Variants in AGBL3 observed in about 807,000 individuals in gnomAD.
The protein encoded by AGBL3 is cytosolic carboxypeptidase 3.
In AGBL3, 68 loss-of-function variants were observed where a neutral mutation model predicts 94.5. The ratio of observed to expected loss-of-function variants is 0.72; its 90% confidence interval spans 0.59 to 0.88. AGBL3 has a LOEUF of 0.88. AGBL3 is among the 40% of genes least tolerant of loss of function. The probability of loss-of-function intolerance (pLI) is 0.00; values close to 1 mark genes in which losing one functional copy is unlikely to be tolerated. For missense variants in AGBL3, 934 were observed against 1,103.8 expected, an observed-to-expected ratio of 0.85 and a Z score of 2.18; for synonymous variants, 354 against 370.7, an observed-to-expected ratio of 0.95 and a Z score of 0.52.
chr7:135,055,401 C>T (rs1323266595), intron 11 of AGBL3, among the ~76,000 whole-genome samples: 1 of 152,162 alleles, frequency 6.6e-6, no homozygotes, highest in Non-Finnish European at 1.5e-5. Flanking sequence ...TGTATGTTAG[C>T]TGTAAGGTTT....
At chr7:135,127,448 G>A (rs1303758924) in intron 16 of AGBL3, among the ~76,000 whole-genome samples, 1 of 152,156 alleles carries the variant, frequency 6.6e-6, no homozygotes, top group Non-Finnish European at 1.5e-5. Flanking sequence ...AGCTACTCGG[G>A]AGGCTGAGGC....
chr7:135,015,938 G>A (rs1411520611), intron 4 of AGBL3, among the ~76,000 whole-genome samples: 2 of 151,338 alleles, frequency 1.3e-5, no homozygotes, highest in Non-Finnish European at 2.9e-5. Context: ...GGCTGAGGCA[G>A]GAGAATGGCG....
At chr7:135,129,800 G>A (rs1828471672) in intron 16 of AGBL3, 1 of 543,128 alleles carries the variant, frequency 1.8e-6, no homozygotes, top group Non-Finnish European at 3.4e-6. Context: ...CAGTCTTCCT[G>A]TGTAGAAGAT....
chr7:135,012,260 A>C (rs1330524724), intron 4 of AGBL3: 1 of 152,194 alleles, frequency 6.6e-6, no homozygotes, highest in Non-Finnish European at 1.5e-5. Context: ...ACATGCATAT[A>C]TATGAATGCT....
At chr7:135,044,686 T>C (rs1224439911) in intron 9 of AGBL3, among the ~76,000 whole-genome samples, 5 of 152,136 alleles carry the variant, frequency 3.3e-5, no homozygotes, top group Admixed American at 2.0e-4. Flanking sequence ...AATCCATATA[T>C]GTACTTTTCA....
intron 12 of AGBL3, among the ~76,000 whole-genome samples, chr7:135,071,931 GA>G (rs1306546849): frequency 6.6e-6 from 1 of 152,120 alleles, no homozygotes; most frequent in African/African-American, 2.4e-5. Flanking sequence ...TTAAACTAAA[GA>G]GCTTCTGCAC....
At chr7:135,103,845 G>C (rs1824228875) in intron 15 of AGBL3, among the ~76,000 whole-genome samples, 1 of 151,834 alleles carries the variant, frequency 6.6e-6, no homozygotes, top group African/African-American at 2.4e-5. Context: ...TCCATTCCTT[G>C]TGTTGTAATT....
chr7:135,098,078 G>A (rs980484044), intron 15 of AGBL3, among the ~76,000 whole-genome samples: 4 of 152,088 alleles, frequency 2.6e-5, no homozygotes, highest in Non-Finnish European at 5.9e-5. Flanking sequence ...GATGCAAAGG[G>A]CCTAAATGAC....
chr7:135,010,277 C>T, intron 4 of AGBL3: 1 of 259,134 alleles, frequency 3.9e-6, no homozygotes, highest in African/African-American at 2.4e-5. Flanking sequence ...CCGCCTGCCT[C>T]AGCTTCCCAA....
chr7:135,050,870 T>G (rs1817814350), intron 11 of AGBL3, among the ~76,000 whole-genome samples: 1 of 152,012 alleles, frequency 6.6e-6, no homozygotes, highest in East Asian at 1.9e-4. Context: ...ATTCAGCCAT[T>G]CTGTGTCCTT....
intron 15 of AGBL3, among the ~76,000 whole-genome samples, chr7:135,110,332 G>A (rs1825442868): frequency 6.6e-6 from 1 of 152,194 alleles, no homozygotes; most frequent in Non-Finnish European, 1.5e-5. Context: ...TATGTACAGA[G>A]GTCTAACTTC....
chr7:135,114,195 T>C (rs991382988), intron 15 of AGBL3, among the ~76,000 whole-genome samples: 1 of 152,240 alleles, frequency 6.6e-6, no homozygotes, highest in African/African-American at 2.4e-5. Context: ...CTGCTTTCAA[T>C]GCTTTTGGGC....
At chr7:135,084,028 C>T (rs529750673) in intron 15 of AGBL3, among the ~76,000 whole-genome samples, 1 of 152,228 alleles carries the variant, frequency 6.6e-6, no homozygotes, top group East Asian at 1.9e-4. Context: ...CCCATCCAAC[C>T]TTTTTCATCT....
Position 135,083,465 on chromosome 7 carries a change from T to TA in AGBL3, c.2110+1683dup, listed in dbSNP as rs565753001. 3.8e-4 allele frequency among the ~76,000 whole-genome samples: 58 copies of TA among 152,122 alleles called. 1 individual carries two copies. The South Asian group carries it at 0.012, about 31-fold the overall frequency. ...AATTTTAAAATAATTTCAAGAATAG[T>TA]AAAAAAAACTTTCTCTCTCTCTCTA... On this transcript the variant is annotated intron_variant, in intron 15 of 16. Coordinates refer to ENST00000436302, the MANE Select transcript of AGBL3 (RefSeq NM_178563.4).
In AGBL3 at chr7:135,076,313, G is replaced by A. The variant is rs1585017612; in HGVS notation, c.1909-84G>A. 2.8e-6 allele frequency: 3 copies of A among 1,055,432 alleles called. No homozygotes were observed. The East Asian group carries it at 8.0e-5, about 28-fold the overall frequency. The allele number at this position is 1,055,432 out of a possible 1,614,324, so 65.4% of individuals were successfully genotyped here. A position where few individuals can be genotyped will look rare whatever the true frequency, so the allele number is the denominator to read the frequency against. On this transcript the variant is annotated intron_variant, in intron 12 of 16. Transcript: ENST00000436302. ...GTACTTCTCATCTTCTTAGAAGTGG[G>A]AATCTCGAAACAATTTCATGTCTGC...
At chr7:135,045,216 A>G (rs573693265) in intron 9 of AGBL3, among the ~76,000 whole-genome samples, 1 of 152,214 alleles carries the variant, frequency 6.6e-6, no homozygotes, top group East Asian at 1.9e-4. Context: ...TGGCAACCAA[A>G]TATTCTATAA....
At chr7:135,080,316 A>AT in intron 14 of AGBL3, 56 bp downstream of exon 14, 1 of 1,455,300 alleles carries the variant, frequency 6.9e-7, no homozygotes, top group Admixed American at 2.0e-5. Context: ...TCAACTAAGA[A>AT]TTTTTGGTGC....
chr7:134,996,696 T>C (rs1811056788), intron 4 of AGBL3, among the ~76,000 whole-genome samples: 1 of 152,228 alleles, frequency 6.6e-6, no homozygotes, highest in Non-Finnish European at 1.5e-5. Context: ...TTTCCAGTCA[T>C]TGGCTCTGAC....
chr7:135,047,723 G>A (rs190323722), intron 11 of AGBL3, among the ~76,000 whole-genome samples: 4 of 152,048 alleles, frequency 2.6e-5, no homozygotes, highest in Non-Finnish European at 5.9e-5. Flanking sequence ...TCAGGTTATA[G>A]GGGTTTTTGC....
Sources: allele counts gnomAD v4.1 joint callset (sites outside exome capture counted in the v4.1 genomes callset), GRCh38; gene constraint gnomAD v4.1.1; transcripts MANE v1.5; gene names NCBI Gene and HGNC (gene_info 2026-07-23, HGNC 2026-07-21).